The following CALCRL variants were observed in gnomAD, a reference collection of about 807,000 sequenced individuals.
CALCRL encodes the protein calcitonin gene-related peptide type 1 receptor.
A neutral mutation model predicts 60.4 loss-of-function variants in CALCRL; 27 were observed. The observed-to-expected ratio is 0.45, with a 90% CI of 0.33 to 0.62. The LOEUF is 0.62. Among genes scored for constraint, CALCRL ranks in the 20% least tolerant of loss-of-function variants. CALCRL has a pLI of 0.03. For synonymous variants in CALCRL, 190 were observed against 182.6 expected, an observed-to-expected ratio of 1.04 and a Z score of -0.33; for missense variants, 424 against 540.7, an observed-to-expected ratio of 0.78 and a Z score of 2.14.
chr2:187,435,973 A>C (rs1034612712), intron 1 of CALCRL, among the ~76,000 whole-genome samples: 7 of 151,792 alleles, frequency 4.6e-5, no homozygotes, highest in African/African-American at 1.7e-4. Context: ...AAGATTTTTA[A>C]GTTAGAATGA....
In CALCRL at chr2:187,343,932, G is replaced by C. The variant is rs1686182227; in HGVS notation, c.*2252C>G. 6.6e-6 allele frequency: 1 copy of C among 151,482 alleles called. No homozygotes were observed. Among genetic ancestry groups the C allele is most frequent in the Non-Finnish European group, 1.5e-5 (1 of 67,588 alleles). The allele number at this position is 151,482 out of a possible 1,614,324, so 9.4% of individuals were successfully genotyped here. A position where few individuals can be genotyped will look rare whatever the true frequency, so the allele number is the denominator to read the frequency against. ...CTGGCTATAAAATAAATCTGATCTA[G>C]AATTAATATTATAAAAGCACAACAA... On this transcript the variant is annotated 3_prime_UTR_variant, in exon 15 of 15. Transcript: ENST00000392370.
chr2:187,381,697 G>T (rs1448502049), intron 5 of CALCRL, among the ~76,000 whole-genome samples: 1 of 151,960 alleles, frequency 6.6e-6, no homozygotes, highest in Admixed American at 6.6e-5. Context: ...CTCTTGATCC[G>T]CCCTCCTCGG....
intron 8 of CALCRL, 57 bp downstream of exon 8, chr2:187,378,883 T>C (rs971556980): frequency 1.2e-5 from 11 of 911,682 alleles, no homozygotes; most frequent in Admixed American, 3.5e-5. Flanking sequence ...ATGCACATGA[T>C]GGGGCATTCA....
rs915566726 is a variant in CALCRL at position 187,387,376 on chromosome 2, G to T, written c.-84C>A. On this transcript the variant is annotated 5_prime_UTR_variant, in exon 3 of 15. Transcript: ENST00000392370. ...TTTATAGCAACCTTGTCAAGTTGTG[G>T]TTGACAAATTGAAGTTTGCAGCAGT... is the stretch of plus-strand genomic sequence containing the variant. The T allele has an allele frequency of 3.0e-5, 5 of 168,640 alleles. No homozygotes were observed. Among genetic ancestry groups the T allele is most frequent in the Admixed American group, 6.4e-5 (1 of 15,710 alleles). 10.4% of individuals were successfully genotyped at this position (168,640 alleles called of 1,614,324 possible).
At chr2:187,444,899 C>T (rs1248161925) in intron 1 of CALCRL, among the ~76,000 whole-genome samples, 2 of 151,422 alleles carry the variant, frequency 1.3e-5, no homozygotes, top group Non-Finnish European at 3.0e-5. Context: ...AGGATAGATC[C>T]ATCTGGTTAG....
intron 7 of CALCRL, among the ~76,000 whole-genome samples, chr2:187,379,397 ATTTGT>A (rs1021814505): frequency 1.3e-4 from 20 of 152,162 alleles, no homozygotes; most frequent in African/African-American, 4.8e-4. Flanking sequence ...CTACGTGATG[ATTTGT>A]TTTGTTCAGA....
chr2:187,386,320 T>G (rs2105791786), intron 3 of CALCRL, among the ~76,000 whole-genome samples: 1 of 152,248 alleles, frequency 6.6e-6, no homozygotes, highest in South Asian at 2.1e-4. Context: ...ATTTTCTGAC[T>G]CTTCAGTAAT....
At chr2:187,387,128 C>T (rs1344196481) in intron 3 of CALCRL, among the ~76,000 whole-genome samples, 1 of 152,156 alleles carries the variant, frequency 6.6e-6, no homozygotes, top group Non-Finnish European at 1.5e-5. Context: ...ATATTTGCCA[C>T]TGACCTGTAA....
At chr2:187,384,719 G>T (rs1574257324) in intron 4 of CALCRL, among the ~76,000 whole-genome samples, 1 of 152,048 alleles carries the variant, frequency 6.6e-6, no homozygotes, top group Non-Finnish European at 1.5e-5. Context: ...ATTCTCCCAA[G>T]TTTCTTTGTT....
At chr2:187,434,800 CAAT>C (rs1690561266) in intron 1 of CALCRL, among the ~76,000 whole-genome samples, 1 of 152,092 alleles carries the variant, frequency 6.6e-6, no homozygotes, top group African/African-American at 2.4e-5. Flanking sequence ...TACCCATTAA[CAAT>C]GATTTATCTC....
At chr2:187,388,388 T>C (rs1041487529) in intron 1 of CALCRL, among the ~76,000 whole-genome samples, 3 of 152,084 alleles carry the variant, frequency 2.0e-5, no homozygotes, top group African/African-American at 4.8e-5. Context: ...CCTTATCATA[T>C]TAATGATAAT....
At chr2:187,427,226 G>A (rs1690182286) in intron 1 of CALCRL, among the ~76,000 whole-genome samples, 1 of 152,152 alleles carries the variant, frequency 6.6e-6, no homozygotes, top group South Asian at 2.1e-4. Flanking sequence ...GTTTTAGGAA[G>A]GAGATCAAAT....
At chr2:187,394,820 ACTCT>A (rs988553614) in intron 1 of CALCRL, among the ~76,000 whole-genome samples, 13 of 151,980 alleles carry the variant, frequency 8.6e-5, no homozygotes, top group Middle Eastern at 3.4e-3. Context: ...ATACACTTAA[ACTCT>A]CTCAACCGAT....
chr2:187,404,817 T>G (rs934715498), intron 1 of CALCRL, among the ~76,000 whole-genome samples: 1 of 151,842 alleles, frequency 6.6e-6, no homozygotes, highest in African/African-American at 2.4e-5. Flanking sequence ...GGAGTCAGTA[T>G]GGGTATCTGA....
At chr2:187,402,465 C>T (rs1308184008) in intron 1 of CALCRL, among the ~76,000 whole-genome samples, 3 of 150,854 alleles carry the variant, frequency 2.0e-5, no homozygotes, top group South Asian at 2.1e-4. Flanking sequence ...GAGACATCTA[C>T]GTAGAGAATA....
chr2:187,421,720 C>A (rs933677348), intron 1 of CALCRL, among the ~76,000 whole-genome samples: 8 of 152,174 alleles, frequency 5.3e-5, no homozygotes, highest in African/African-American at 1.9e-4. Context: ...CAATTCCTGT[C>A]AAGTGTTTTA....
chr2:187,378,470 G>T (rs1368310581), intron 8 of CALCRL, among the ~76,000 whole-genome samples: 3 of 152,124 alleles, frequency 2.0e-5, no homozygotes, highest in Non-Finnish European at 4.4e-5. Flanking sequence ...CCTTTTTAAT[G>T]ATGACCCGCC....
At chr2:187,347,139 G>C (rs146900699) in intron 14 of CALCRL, among the ~76,000 whole-genome samples, 1 of 151,814 alleles carries the variant, frequency 6.6e-6, no homozygotes, top group Admixed American at 6.6e-5. Flanking sequence ...GGGTAGGTGG[G>C]TCCTATACAG....
intron 1 of CALCRL, among the ~76,000 whole-genome samples, chr2:187,435,703 C>T (rs969697872): frequency 2.6e-5 from 4 of 151,988 alleles, no homozygotes; most frequent in Admixed American, 6.6e-5. Context: ...GGATCTGGAT[C>T]GGAGATGGAG....
Sources: allele counts gnomAD v4.1 joint callset (sites outside exome capture counted in the v4.1 genomes callset), GRCh38; gene constraint gnomAD v4.1.1; transcripts MANE v1.5; gene names NCBI Gene and HGNC (gene_info 2026-07-23, HGNC 2026-07-21).